Variants in INPP4B observed in about 807,000 individuals in gnomAD.
The protein encoded by INPP4B is inositol polyphosphate 4-phosphatase type II.
In INPP4B, 55 loss-of-function variants were observed where a neutral mutation model predicts 122.5. The ratio of observed to expected loss-of-function variants is 0.45; its 90% confidence interval spans 0.36 to 0.56. The LOEUF is 0.56. Ranked by LOEUF, INPP4B falls within the 20% of genes least tolerant of loss-of-function variation. The probability of loss-of-function intolerance (pLI) is 0.00; values close to 1 mark genes in which losing one functional copy is unlikely to be tolerated. For synonymous variants in INPP4B, 403 were observed against 388.7 expected (o/e 1.04, Z -0.43); for missense variants, 1,000 against 1,097.7 (o/e 0.91, Z 1.26).
At chr4:142,030,973 T>C (rs1739565242) in intron 25 of INPP4B, among the ~76,000 whole-genome samples, 1 of 152,102 alleles carries the variant, frequency 6.6e-6, no homozygotes. Flanking sequence ...CTATCTCCTA[T>C]GGACATCTCA....
chr4:142,310,621 G>A (rs1458384459), intron 8 of INPP4B, among the ~76,000 whole-genome samples: 1 of 150,560 alleles, frequency 6.6e-6, no homozygotes, highest in Non-Finnish European at 1.5e-5. Context: ...TCATAAGACT[G>A]ATACACAACA....
At chr4:142,116,633 T>C (rs1237447498) in intron 21 of INPP4B, among the ~76,000 whole-genome samples, 2 of 152,168 alleles carry the variant, frequency 1.3e-5, no homozygotes, top group Non-Finnish European at 2.9e-5. Context: ...AGATACAACA[T>C]ACCAGAATCT....
intron 1 of INPP4B, among the ~76,000 whole-genome samples, chr4:142,802,041 G>C (rs1472113928): frequency 1.3e-5 from 2 of 152,114 alleles, no homozygotes; most frequent in Non-Finnish European, 2.9e-5. Context: ...GTAGGACTTG[G>C]TCACATACAG....
At chr4:142,441,622 A>T (rs1811740120) in intron 3 of INPP4B, among the ~76,000 whole-genome samples, 1 of 152,154 alleles carries the variant, frequency 6.6e-6, no homozygotes, top group Non-Finnish European at 1.5e-5. Flanking sequence ...AAATGCATAT[A>T]GTGAGAAGAA....
chr4:142,708,968 A>AC (rs767142447), intron 2 of INPP4B, among the ~76,000 whole-genome samples: 1 of 151,980 alleles, frequency 6.6e-6, no homozygotes, highest in East Asian at 2.0e-4. Flanking sequence ...CTGTGGTTCT[A>AC]CCCTGCAGAA....
chr4:142,570,553 G>T (rs143190590), intron 2 of INPP4B, among the ~76,000 whole-genome samples: 1 of 152,022 alleles, frequency 6.6e-6, no homozygotes, highest in East Asian at 1.9e-4. Context: ...ATGAAGGCAC[G>T]ATCTGACTTG....
chr4:142,219,775 T>C (rs1848642256), intron 12 of INPP4B, among the ~76,000 whole-genome samples: 1 of 152,156 alleles, frequency 6.6e-6, no homozygotes, highest in African/African-American at 2.4e-5. Context: ...GTTTCGTAGG[T>C]AGAAGGAAAA....
rs76468049 is a variant in INPP4B, at chr4:142,606,590, A to T, written c.-191+119249T>A. Among the ~76,000 whole-genome samples, 250 of 152,122 alleles carry T rather than the reference A, an allele frequency of 1.6e-3. 1 individual carries two copies. Among genetic ancestry groups the T allele is most frequent in the Non-Finnish European group, 2.8e-3 (190 of 67,902 alleles). On this transcript the variant is annotated intron_variant, in intron 2 of 25. Transcript: ENST00000262992. ...GCATTAAACAATTTTAAAATATCAG[A>T]TTAAAACACAGCTGTTCAAATACAT...
At chr4:142,523,367 G>A (rs577064520) in intron 2 of INPP4B, among the ~76,000 whole-genome samples, 2 of 152,098 alleles carry the variant, frequency 1.3e-5, no homozygotes, top group Non-Finnish European at 2.9e-5. Flanking sequence ...AGGTGAACAT[G>A]ATGTAAGAGG....
In INPP4B at chr4:142,025,569, G is replaced by A. The variant is rs909998538; in HGVS notation, c.*3213C>T. The A allele has an allele frequency of 1.3e-5, 2 of 152,156 alleles. No individual in the cohort carries two copies. The highest frequency in any genetic ancestry group is 1.9e-4 in the East Asian group (1 of 5,198). The allele number at this position is 152,156 out of a possible 1,614,324, so 9.4% of individuals were successfully genotyped here. Reference sequence around the variant, plus strand: ...GGTACACTATCAACTTTTACATAGGGAGAGGTTTGATTTGCTTGGGAAGAA... The same window carrying A: ...GGTACACTATCAACTTTTACATAGGAAGAGGTTTGATTTGCTTGGGAAGAA... On this transcript the variant is annotated 3_prime_UTR_variant, in exon 26 of 26. Coordinates refer to ENST00000262992, the MANE Select transcript of INPP4B (RefSeq NM_001101669.3).
chr4:142,246,578 C>T (rs537938694), intron 11 of INPP4B, among the ~76,000 whole-genome samples: 107 of 152,214 alleles, frequency 7.0e-4, no homozygotes, highest in Middle Eastern at 3.4e-3. Flanking sequence ...GGAGTTCACT[C>T]AAGATTTGGC....
At chr4:142,705,001 C>T (rs1762285611) in intron 2 of INPP4B, among the ~76,000 whole-genome samples, 1 of 152,196 alleles carries the variant, frequency 6.6e-6, no homozygotes, top group Non-Finnish European at 1.5e-5. Context: ...TTTAGCATTA[C>T]AGAAACGTTT....
intron 12 of INPP4B, among the ~76,000 whole-genome samples, chr4:142,218,373 C>T (rs1229791738): frequency 6.6e-6 from 1 of 152,004 alleles, no homozygotes; most frequent in Non-Finnish European, 1.5e-5. Context: ...TGTGCAAGCA[C>T]CTATGATATT....
At chr4:142,313,940 A>G (rs1579703917) in intron 8 of INPP4B, among the ~76,000 whole-genome samples, 1 of 152,166 alleles carries the variant, frequency 6.6e-6, no homozygotes, top group South Asian at 2.1e-4. Flanking sequence ...GAGAAAATTA[A>G]TGGTACCTAG....
chr4:142,407,209 T>C (rs1803611157), intron 5 of INPP4B, among the ~76,000 whole-genome samples: 2 of 152,248 alleles, frequency 1.3e-5, no homozygotes, highest in Non-Finnish European at 2.9e-5. Context: ...GTTGGTTTTC[T>C]GCTTACAGTA....
At chr4:142,315,608 G>C (rs1397682042) in intron 7 of INPP4B, among the ~76,000 whole-genome samples, 1 of 151,332 alleles carries the variant, frequency 6.6e-6, no homozygotes, top group African/African-American at 2.4e-5. Flanking sequence ...TGACTCTACA[G>C]TTCTCTTAAG....
At chr4:142,798,500 T>A (rs1777568771) in intron 1 of INPP4B, among the ~76,000 whole-genome samples, 1 of 151,902 alleles carries the variant, frequency 6.6e-6, no homozygotes, top group African/African-American at 2.4e-5. Context: ...AAGATGGAGT[T>A]AAGTAAATAT....
At chr4:142,343,457 A>G (rs937408980) in intron 7 of INPP4B, among the ~76,000 whole-genome samples, 20 of 151,508 alleles carry the variant, frequency 1.3e-4, no homozygotes, top group African/African-American at 4.1e-4. Flanking sequence ...CTCTGAATTC[A>G]CATAAATTTC....
rs1456317120 is a variant in INPP4B, at chr4:142,596,054, G to T, written c.-191+129785C>A. ...AGTAGAGACAAGGTTCCACCATATT[G>T]CCCCAGGCTGGTCTCAATCTCCTGG... On this transcript the variant is annotated intron_variant, in intron 2 of 25. Coordinates refer to ENST00000262992, the MANE Select transcript of INPP4B (RefSeq NM_001101669.3). Among the ~76,000 whole-genome samples the T allele has an allele frequency of 2.6e-5, 4 of 151,928 alleles. No individual in the cohort carries two copies. The East Asian group carries it at 7.8e-4, about 29-fold the overall frequency.
Sources: allele counts gnomAD v4.1 joint callset (sites outside exome capture counted in the v4.1 genomes callset), GRCh38; gene constraint gnomAD v4.1.1; transcripts MANE v1.5; gene names NCBI Gene and HGNC (gene_info 2026-07-23, HGNC 2026-07-21).